Variants in RWDD4 observed in about 807,000 individuals in gnomAD.
RWDD4 encodes RWD domain-containing protein 4.
RWDD4 carries 16 observed loss-of-function variants against 30.0 expected under a neutral mutation model. The ratio of observed to expected loss-of-function variants is 0.53; its 90% CI spans 0.36 to 0.81. The LOEUF is 0.81. Among genes scored for constraint, RWDD4 ranks in the 30% least tolerant of loss-of-function variants. RWDD4 has a pLI of 0.00. For synonymous variants in RWDD4, 45 were observed against 72.1 expected (o/e 0.62, Z 1.90); for missense variants, 170 against 223.9 (o/e 0.76, Z 1.54).
Position 183,651,053 on chromosome 4 carries a change from A to G in RWDD4, c.294T>C (p.Tyr98=), listed in dbSNP as rs926043351. The G allele has an allele frequency of 1.9e-6, 3 of 1,613,618 alleles. No homozygotes were observed. The highest frequency in any genetic ancestry group is 3.3e-5 in the Admixed American group (2 of 60,002). ...VEANLGTAMT[Y]TLFEYAKDNK... is the part of the protein sequence containing the mutation. The stretch of plus-strand genomic sequence containing the variant: ...TGTCTTTGGCATATTCAAACAATGT[A>G]TAGGTCATAGCGGTTCCAAGATTAG... Residue 98 remains tyrosine, a synonymous_variant, in exon 4 of 8, where the codon TAT becomes TAC. Coordinates refer to ENST00000326397, the MANE Select transcript of RWDD4 (RefSeq NM_152682.4).
In RWDD4 at chr4:183,645,586, A is replaced by G. The variant is rs116168907; in HGVS notation, c.534+765T>C. Among the ~76,000 whole-genome samples, 500 of 142,504 alleles carry G rather than the reference A, an allele frequency of 3.5e-3. 3 individuals carry two copies. Among genetic ancestry groups the G allele is most frequent in the African/African-American group, 0.013 (476 of 37,688 alleles). 93.5% of individuals were successfully genotyped at this position (142,504 alleles called of 152,430 possible). On this transcript the variant is annotated intron_variant, in intron 7 of 7. Transcript: ENST00000326397. ...GGAGGTCGAGAACAGCCTGGGCAAC[A>G]TATCTGTCTCTGCAAAAAAAAAAAA...
At chr4:183,655,994 T>C in intron 1 of RWDD4, 33 bp from the exon 2 acceptor site, 1 of 1,403,654 alleles carries the variant, frequency 7.1e-7, no homozygotes, top group South Asian at 1.2e-5. Flanking sequence ...TTTTGTTTAG[T>C]GGTATAAATG....
intron 1 of RWDD4, among the ~76,000 whole-genome samples, chr4:183,657,663 C>T (rs1031829076): frequency 1.3e-5 from 2 of 152,142 alleles, no homozygotes; most frequent in East Asian, 1.9e-4. Context: ...AATTTTGAAA[C>T]AGGACATTTA....
chr4:183,655,933 T>C lies in RWDD4; in HGVS notation c.53A>G (p.Tyr18Cys), dbSNP rs1446084416. 1 of 1,611,524 alleles carries C rather than the reference T, an allele frequency of 6.2e-7. No individual in the cohort carries two copies. Among genetic ancestry groups the C allele is most frequent in the African/African-American group, 1.3e-5 (1 of 74,878 alleles). Reference protein sequence around the residue: ...EMELEALRSIYEGDESFRELS... With the variant: ...EMELEALRSICEGDESFRELS... ...TTCCCGGAAACTTTCATCTCCTTCA[T>C]AAATAGAGCGTAATGCTTCTAGTTC... The change falls in exon 2 of 8, where the codon TAT becomes TGT. Residue 18 changes from tyrosine to cysteine, a missense_variant. Physicochemically the swap from Tyr to Cys is radical, Grantham distance 194. Transcript: ENST00000326397.
rs530567536 is a variant in RWDD4, at chr4:183,642,401, G to T, written c.535-933C>A. The stretch of plus-strand genomic sequence containing the variant: ...AGACGGGGTTTCACCGTGTTAGCCA[G>T]GATGGTCTCGATCTCCTGACCTCGT... On this transcript the variant is annotated intron_variant, in intron 7 of 7. Coordinates refer to ENST00000326397, the MANE Select transcript of RWDD4 (RefSeq NM_152682.4). Among the ~76,000 whole-genome samples, 3 of 85,672 alleles carry T rather than the reference G, an allele frequency of 3.5e-5. 1 individual carries two copies. The highest frequency in any genetic ancestry group is 2.3e-4 in the African/African-American group (3 of 13,014). 56.2% of individuals were successfully genotyped at this position (85,672 alleles called of 152,430 possible). A position where few individuals can be genotyped will look rare whatever the true frequency, so the allele number is the denominator to read the frequency against.
At chr4:183,655,282 AC>A (rs1734164121) in intron 2 of RWDD4, among the ~76,000 whole-genome samples, 1 of 151,210 alleles carries the variant, frequency 6.6e-6, no homozygotes, top group Non-Finnish European at 1.5e-5. Context: ...TGACTTATTT[AC>A]AAAATAAAAT....
chr4:183,651,175 C>G, intron 3 of RWDD4, 43 bp downstream of exon 3: 1 of 1,605,322 alleles, frequency 6.2e-7, no homozygotes, highest in African/African-American at 1.4e-5. Flanking sequence ...AAAAGTATAA[C>G]AGAGAGTGAA....
chr4:183,654,537 C>G (rs1242502030), intron 2 of RWDD4, among the ~76,000 whole-genome samples: 1 of 152,170 alleles, frequency 6.6e-6, no homozygotes, highest in East Asian at 1.9e-4. Context: ...CTATGGGTCA[C>G]GTCAGTGTCC....
chr4:183,653,791 T>C (rs544130187), intron 2 of RWDD4: 3 of 152,354 alleles, frequency 2.0e-5, no homozygotes, highest in African/African-American at 7.2e-5. Flanking sequence ...TCATGGCGCA[T>C]TTAGGAATAA....
chr4:183,649,574 A>C lies in RWDD4; in HGVS notation c.364-6T>G, dbSNP rs1277009101. 1 of 1,430,102 alleles carries C rather than the reference A, an allele frequency of 7.0e-7. No homozygotes were observed. Among genetic ancestry groups the C allele is most frequent in the East Asian group, 2.3e-5 (1 of 44,038 alleles). 88.6% of individuals were successfully genotyped at this position (1,430,102 alleles called of 1,614,324 possible). On this transcript the variant is annotated splice_region_variant and splice_polypyrimidine_tract_variant and intron_variant, in intron 4 of 7. Transcript: ENST00000326397. ...ATGATATTGCTTATCGATGTCTAAA[A>C]AAAAAAAGAAATAATTCTCAGCCTC...
chr4:183,652,177 G>C (rs1734090090), intron 2 of RWDD4, among the ~76,000 whole-genome samples: 1 of 152,058 alleles, frequency 6.6e-6, no homozygotes, highest in South Asian at 2.1e-4. Flanking sequence ...TTCAACATTG[G>C]TACAAAAATG....
At chr4:183,641,530 G>T in intron 7 of RWDD4, 62 bp from the exon 8 acceptor site, 2 of 1,316,056 alleles carry the variant, frequency 1.5e-6, no homozygotes, top group South Asian at 1.2e-5. Flanking sequence ...TATTTCCATG[G>T]AGTATCAAAA....
intron 7 of RWDD4, among the ~76,000 whole-genome samples, chr4:183,646,052 C>T (rs1044219262): frequency 2.0e-5 from 3 of 152,030 alleles, no homozygotes; most frequent in Admixed American, 6.6e-5. Flanking sequence ...TACAGGCGTG[C>T]GCCACCATGC....
rs143343679 is a variant in RWDD4, at chr4:183,651,203, C to T, written c.215+15G>A. 495 of 1,613,386 alleles carry T rather than the reference C, an allele frequency of 3.1e-4. No individual in the cohort carries two copies. The highest frequency in any genetic ancestry group is 3.7e-4 in the Non-Finnish European group (442 of 1,179,616). The stretch of plus-strand genomic sequence containing the variant: ...AGAGTGAAATGAAAAGCAGTAAAAA[C>T]AAGACACTACTCACATGGTGTTGTT... On this transcript the variant is annotated intron_variant, in intron 3 of 7. Coordinates refer to ENST00000326397, the MANE Select transcript of RWDD4 (RefSeq NM_152682.4).
At chr4:183,650,667 A>G (rs1734055983) in intron 4 of RWDD4, among the ~76,000 whole-genome samples, 1 of 152,186 alleles carries the variant, frequency 6.6e-6, no homozygotes, top group African/African-American at 2.4e-5. Flanking sequence ...TGCATAAGAG[A>G]TCCCTTAGCT....
At chr4:183,647,120 A>G (rs1052557005) in intron 5 of RWDD4, among the ~76,000 whole-genome samples, 1 of 152,230 alleles carries the variant, frequency 6.6e-6, no homozygotes, top group South Asian at 2.1e-4. Flanking sequence ...ACTAGCTTAT[A>G]ATTCATAGTC....
Position 183,649,533 on chromosome 4 carries a change from A to C in RWDD4, c.399T>G (p.Pro133=). The C allele has an allele frequency of 6.2e-7, 1 of 1,608,544 alleles. No homozygotes were observed. Among genetic ancestry groups the C allele is most frequent in the Non-Finnish European group, 8.5e-7 (1 of 1,175,832 alleles). ...TTTTCTTACTTGATGGGGCTGTATT[A>C]GGAGTTTCAATTGAGATGATATTGC... The part of the protein sequence containing the change: ...SISNIISIET[P]NTAPSSKKKD... Residue 133 remains proline (P), a synonymous_variant, in exon 5 of 8, where the codon CCT becomes CCG. Coordinates refer to ENST00000326397, the MANE Select transcript of RWDD4 (RefSeq NM_152682.4).
At chr4:183,654,316 G>T (rs1447487351) in intron 2 of RWDD4, among the ~76,000 whole-genome samples, 1 of 152,152 alleles carries the variant, frequency 6.6e-6, no homozygotes, top group African/African-American at 2.4e-5. Context: ...GCTTCAGAGT[G>T]CCAACTAGTA....
In RWDD4 at chr4:183,649,641, G is replaced by A. The variant is rs966444469; in HGVS notation, c.364-73C>T. The A allele has an allele frequency of 9.8e-6, 7 of 714,588 alleles. No individual in the cohort carries two copies. In the East Asian group the frequency reaches 1.6e-4, roughly 16 times the overall value. 44.3% of individuals were successfully genotyped at this position (714,588 alleles called of 1,614,324 possible). A position where few individuals can be genotyped will look rare whatever the true frequency, so the allele number is the denominator to read the frequency against. On this transcript the variant is annotated intron_variant, in intron 4 of 7. Transcript: ENST00000326397. ...GTTACACTAAATACAGCTATATCCT[G>A]AAGTGGGTTGATAATTTTTACACTT...
Sources: allele counts gnomAD v4.1 joint callset (sites outside exome capture counted in the v4.1 genomes callset), GRCh38; gene constraint gnomAD v4.1.1; transcripts MANE v1.5; gene names NCBI Gene and HGNC (gene_info 2026-07-23, HGNC 2026-07-21).